TCEANC: variants seen among roughly 807,000 people sequenced by gnomAD.
The protein encoded by TCEANC is transcription elongation factor A N-terminal and central domain containing, also known as transcription elongation factor A N-terminal and central domain-containing protein.
In TCEANC, 8 loss-of-function variants were observed where a neutral mutation model predicts 8.7. The ratio of observed to expected loss-of-function variants is 0.92; its 90% CI spans 0.54 to 1.65. The LOEUF (loss-of-function observed/expected upper bound fraction) is 1.65. TCEANC is among the 40% of genes most tolerant of loss of function. TCEANC has a pLI of 0.00. For missense variants in TCEANC, 255 were observed against 251.9 expected (o/e 1.01, Z -0.08); for synonymous variants, 78 against 92.9 (o/e 0.84, Z 0.92).
chrX:13,661,356 A>G (rs1057301331), intron 1 of TCEANC, among the ~76,000 whole-genome samples: 3 of 112,156 alleles, frequency 2.7e-5, no homozygotes, highest in African/African-American at 9.7e-5. Context: ...AAATTCTTAC[A>G]TATGCAGTCT....
chrX:13,654,782 GT>G (rs769129207), upstream of TCEANC, among the ~76,000 whole-genome samples: 105 of 111,403 alleles, frequency 9.4e-4, no homozygotes, highest in African/African-American at 3.3e-3. Flanking sequence ...TTATGCAAAT[GT>G]TTTGACCCCT....
chrX:13,658,484 C>A (rs971082958), intron 1 of TCEANC, among the ~76,000 whole-genome samples: 1 of 111,810 alleles, frequency 8.9e-6, no homozygotes, highest in African/African-American at 3.3e-5. Context: ...TTACTCTTTT[C>A]TGTATTTTCT....
chrX:13,663,499 A>G, exon 2 of TCEANC: 1 of 1,174,569 alleles, frequency 8.5e-7, no homozygotes, highest in Non-Finnish European at 1.1e-6. Context: ...TGAACAAATG[A>G]TGACTTACGT....
chrX:13,655,530 G>A (rs778839156), intron 1 of TCEANC, among the ~76,000 whole-genome samples, 157 bp downstream of exon 2: 1 of 112,546 alleles, frequency 8.9e-6, no homozygotes, highest in Non-Finnish European at 1.9e-5. Context: ...AGAAAAGCCA[G>A]TCATAGAGTT....
chrX:13,662,858 T>C, exon 2 of TCEANC: 1 of 1,211,897 alleles, frequency 8.3e-7, no homozygotes, highest in Non-Finnish European at 1.1e-6. Flanking sequence ...ACACTGGGCA[T>C]CTGCAGCTCG....
In TCEANC at chrX:13,663,352, T is replaced by A. The variant is rs760627332; in HGVS notation, c.844T>A (p.Tyr282Asn). The A allele has an allele frequency of 3.6e-5, 43 of 1,194,213 alleles. 1 individual carries two copies. In the South Asian group the frequency reaches 7.9e-4, roughly 22 times the overall value. The change falls in exon 2 of 2, where the codon TAC (tyrosine) becomes AAC (asparagine). Residue 282 changes from tyrosine to asparagine, a missense_variant. Transcript: ENST00000380600. ...CACGGAATCTTGTATCCAGGAACATTACCTTCCCCAAGTAATTGATGGCAC... is the reference window on the plus strand; with the variant it reads ...CACGGAATCTTGTATCCAGGAACATAACCTTCCCCAAGTAATTGATGGCAC...
chrX:13,658,789 A>G (rs186653772), intron 1 of TCEANC, among the ~76,000 whole-genome samples: 1 of 111,725 alleles, frequency 9.0e-6, no homozygotes, highest in East Asian at 2.8e-4. Flanking sequence ...GTACCCTTAC[A>G]TAACCAAGAG....
intron 1 of TCEANC, among the ~76,000 whole-genome samples, chrX:13,658,842 A>G (rs1450278024): frequency 2.7e-5 from 3 of 112,397 alleles, no homozygotes; most frequent in African/African-American, 9.7e-5. Flanking sequence ...GCTGGAATGT[A>G]GAAAACCTGG....
At chrX:13,658,795 A>G (rs2045943716) in intron 1 of TCEANC, among the ~76,000 whole-genome samples, 1 of 111,645 alleles carries the variant, frequency 9.0e-6, no homozygotes, top group Non-Finnish European at 1.9e-5. Flanking sequence ...TTACATAACC[A>G]AGAGTCTGAG....
intron 1 of TCEANC, among the ~76,000 whole-genome samples, chrX:13,657,824 A>AC (rs1253389217): frequency 9.7e-4 from 100 of 102,567 alleles, no homozygotes; most frequent in Middle Eastern, 4.8e-3. Flanking sequence ...AAAAAAAAAA[A>AC]AAACACACAC....
chrX:13,661,167 A>C (rs909568763), intron 1 of TCEANC, among the ~76,000 whole-genome samples, 45 bp downstream of exon 4: 1 of 111,408 alleles, frequency 9.0e-6, no homozygotes, highest in Non-Finnish European at 1.9e-5. Flanking sequence ...TTAGTCTTTT[A>C]TATAGTTTTA....
intron 1 of TCEANC, among the ~76,000 whole-genome samples, chrX:13,656,138 T>C (rs1034648340): frequency 8.9e-6 from 1 of 112,043 alleles, no homozygotes; most frequent in Non-Finnish European, 1.9e-5. Context: ...CGAGCCCAGA[T>C]AGGGTTTGGT....
chrX:13,656,258 C>T (rs754347044), intron 1 of TCEANC, among the ~76,000 whole-genome samples: 2 of 112,466 alleles, frequency 1.8e-5, no homozygotes, highest in East Asian at 5.5e-4. Context: ...AGGCTATCAG[C>T]TCCTTCAAGG....
chrX:13,655,719 A>G (rs942915789), intron 1 of TCEANC, among the ~76,000 whole-genome samples: 3 of 112,519 alleles, frequency 2.7e-5, no homozygotes, highest in Admixed American at 1.9e-4. Flanking sequence ...AATTCATCCT[A>G]TCTGGAGTGA....
chrX:13,660,327 A>G (rs2146727349), intron 1 of TCEANC, among the ~76,000 whole-genome samples: 1 of 112,000 alleles, frequency 8.9e-6, no homozygotes, highest in East Asian at 2.8e-4. Flanking sequence ...TGTACAATTC[A>G]GTGTTTTTTA....
At chrX:13,658,071 T>G (rs1033823320) in intron 1 of TCEANC, among the ~76,000 whole-genome samples, 4 of 112,273 alleles carry the variant, frequency 3.6e-5, no homozygotes, top group Non-Finnish European at 5.6e-5. Flanking sequence ...TGTATGATTT[T>G]ATTCACATGA....
chrX:13,663,240 C>T lies in TCEANC; in HGVS notation c.732C>T (p.Leu244=), dbSNP rs2045984590. The T allele has an allele frequency of 3.3e-6, 4 of 1,204,692 alleles. No individual in the cohort carries two copies. The South Asian group carries it at 5.4e-5, about 16-fold the overall frequency. The change falls in exon 2 of 2, where the codon CTC becomes CTT. Residue 244 remains leucine, a synonymous_variant. Coordinates refer to ENST00000380600, the Ensembl canonical transcript of TCEANC. ...ATTCTCATTTACAACAAAACTTGCT[C>T]TCTGGGACCACGTCTCCACGAGAAT...
upstream of TCEANC, among the ~76,000 whole-genome samples, chrX:13,654,636 T>G (rs1199676284): frequency 8.9e-6 from 1 of 112,068 alleles, no homozygotes; most frequent in Admixed American, 9.5e-5. Flanking sequence ...AGACTTTCAT[T>G]TAATTCTCAT....
chrX:13,660,394 GCCA>G lies in TCEANC; in HGVS notation c.-8-2101_-8-2099del, dbSNP rs764802065. Among the ~76,000 whole-genome samples the G allele has an allele frequency of 2.7e-5, 3 of 111,636 alleles. No individual in the cohort carries two copies. In the South Asian group the frequency reaches 1.1e-3, roughly 42 times the overall value. ...ATAAATCTTGAGAAGATTTATGTGTGCCACCACCTCCCAAGAAAATCCCTGAAC... is the reference window on the plus strand; with the variant it reads ...ATAAATCTTGAGAAGATTTATGTGTGCCACCTCCCAAGAAAATCCCTGAAC... On this transcript the variant is annotated intron_variant, in intron 1 of 1. Coordinates refer to ENST00000380600, the Ensembl canonical transcript of TCEANC.
Sources: allele counts gnomAD v4.1 joint callset (sites outside exome capture counted in the v4.1 genomes callset), GRCh38; gene constraint gnomAD v4.1.1; transcripts MANE v1.5; gene names NCBI Gene and HGNC (gene_info 2026-07-23, HGNC 2026-07-21).